Variants in PHF14 observed in about 807,000 individuals in gnomAD.
The protein encoded by PHF14 is PHD finger protein 14.
A neutral mutation model predicts 117.9 loss-of-function variants in PHF14; 55 were observed. That is an observed-to-expected ratio of 0.47 (90% CI 0.38 to 0.58). The LOEUF is 0.58. PHF14 is among the 20% of genes least tolerant of loss of function. The pLI is 0.00. For synonymous variants in PHF14, 409 were observed against 368.6 expected (o/e 1.11, Z -1.26); for missense variants, 978 against 1,122.2 (o/e 0.87, Z 1.84).
chr7:11,095,474 T>C (rs994080113), intron 16 of PHF14, among the ~76,000 whole-genome samples: 3 of 152,190 alleles, frequency 2.0e-5, no homozygotes, highest in Non-Finnish European at 2.9e-5. Flanking sequence ...CTGTGAACTT[T>C]TTGCTGAACT....
chr7:11,119,860 A>G (rs906557044), intron 17 of PHF14, among the ~76,000 whole-genome samples: 12 of 151,938 alleles, frequency 7.9e-5, no homozygotes, highest in African/African-American at 2.9e-4. Context: ...TTGAAATCAA[A>G]TATAGTTGAG....
Position 10,982,711 on chromosome 7 carries a change from C to T in PHF14, c.452C>T (p.Thr151Ile). ...SENVAASAAA[T>I]TPATSPPAVN... The stretch of plus-strand genomic sequence containing the variant: ...AATGTGGCTGCTTCTGCTGCTGCCA[C>T]CACACCAGCCACAAGTCCTCCTGCT... Residue 151 changes from threonine to isoleucine, a missense_variant, in exon 3 of 18, where the codon ACC becomes ATC. Thr to Ile is a moderately conservative substitution (Grantham distance 89). Around this residue, in one of 7 missense-constraint regions of PHF14, gnomAD observed 414 missense variants for 376.4 expected, o/e 1.10. Transcript: ENST00000634607. 3.7e-6 allele frequency: 6 copies of T among 1,611,550 alleles called. No homozygotes were observed. Among genetic ancestry groups the T allele is most frequent in the Non-Finnish European group, 5.1e-6 (6 of 1,178,710 alleles).
intron 17 of PHF14, among the ~76,000 whole-genome samples, chr7:11,129,508 A>T (rs1015276432): frequency 6.6e-6 from 1 of 151,688 alleles, no homozygotes; most frequent in African/African-American, 2.4e-5. Flanking sequence ...AAGGGTATAA[A>T]ACTAATCCAA....
chr7:10,994,392 T>A (rs1184532824), intron 4 of PHF14, among the ~76,000 whole-genome samples: 1 of 152,076 alleles, frequency 6.6e-6, no homozygotes, highest in African/African-American at 2.4e-5. Context: ...TGAGCTGAGG[T>A]CGAGCCACTG....
chr7:11,136,808 A>G (rs570823714), intron 17 of PHF14, among the ~76,000 whole-genome samples: 1 of 152,352 alleles, frequency 6.6e-6, no homozygotes, highest in East Asian at 1.9e-4. Context: ...TTAGTTAGAC[A>G]TTAAGACCAA....
At chr7:11,163,331 G>T (rs1046033545) in intron 17 of PHF14, among the ~76,000 whole-genome samples, 6 of 152,104 alleles carry the variant, frequency 3.9e-5, no homozygotes, top group African/African-American at 1.4e-4. Flanking sequence ...AGCATTTCTT[G>T]TAAGTTCATT....
intron 16 of PHF14, among the ~76,000 whole-genome samples, chr7:11,075,874 G>A (rs1785829853): frequency 6.6e-6 from 1 of 152,164 alleles, no homozygotes; most frequent in Non-Finnish European, 1.5e-5. Context: ...ACTCATGCCT[G>A]TAATCCCAGC....
chr7:11,036,958 G>T (rs1283624850), intron 9 of PHF14, 27 bp from the exon 10 acceptor site: 1 of 1,425,424 alleles, frequency 7.0e-7, no homozygotes, highest in Admixed American at 2.3e-5. Context: ...TCCTACTAAA[G>T]TAAAATTCGA....
At chr7:11,087,060 A>G (rs1786438712) in intron 16 of PHF14, among the ~76,000 whole-genome samples, 1 of 152,226 alleles carries the variant, frequency 6.6e-6, no homozygotes, top group Admixed American at 6.5e-5. Flanking sequence ...CATAAAATAA[A>G]TAAGGGTATA....
At chr7:11,073,426 G>A (rs557129739) in intron 16 of PHF14, among the ~76,000 whole-genome samples, 12 of 152,310 alleles carry the variant, frequency 7.9e-5, no homozygotes, top group Non-Finnish European at 1.5e-4. Context: ...AATGTCCTTC[G>A]ATGCCATATC....
Position 11,089,536 on chromosome 7 carries a change from A to G in PHF14, c.2655-21814A>G, listed in dbSNP as rs1055331021. 9.2e-5 allele frequency among the ~76,000 whole-genome samples: 14 copies of G among 152,100 alleles called. 1 individual carries two copies. Among genetic ancestry groups the G allele is most frequent in the Admixed American group, 7.9e-4 (12 of 15,262 alleles). On this transcript the variant is annotated intron_variant, in intron 16 of 17. Coordinates refer to ENST00000634607, the MANE Select transcript of PHF14 (RefSeq NM_001007157.2). Reference sequence around the variant, plus strand: ...TGAGACTCCATTCTCCACAAAAAGGAAAAAAAGGACAAAAAAGGTGTAATA... The same window carrying G: ...TGAGACTCCATTCTCCACAAAAAGGGAAAAAAGGACAAAAAAGGTGTAATA...
At chr7:11,058,710 T>C (rs1785103884) in intron 14 of PHF14, among the ~76,000 whole-genome samples, 1 of 152,210 alleles carries the variant, frequency 6.6e-6, no homozygotes, top group South Asian at 2.1e-4. Flanking sequence ...TTTAAGTATT[T>C]ACGTGCAATA....
intron 5 of PHF14, among the ~76,000 whole-genome samples, chr7:11,017,079 T>C (rs1415763592): frequency 6.6e-6 from 1 of 152,208 alleles, no homozygotes; most frequent in Admixed American, 6.5e-5. Context: ...AATGACTGGC[T>C]CTCATTCTTT....
At chr7:10,992,042 GCTTC>G (rs1782474390) in intron 4 of PHF14, among the ~76,000 whole-genome samples, 1 of 151,326 alleles carries the variant, frequency 6.6e-6, no homozygotes, top group Non-Finnish European at 1.5e-5. Context: ...ATTTTTTGTA[GCTTC>G]TTCTTTCATA....
At chr7:11,075,564 GTT>G (rs3073111) in intron 16 of PHF14, among the ~76,000 whole-genome samples, 1,810 of 110,004 alleles carry the variant, frequency 0.016, 22 homozygotes, top group Middle Eastern at 0.072. Flanking sequence ...AAGGAAAGAG[GTT>G]TTTTTTTTTT....
intron 4 of PHF14, among the ~76,000 whole-genome samples, chr7:10,999,334 A>ATCTTATCT: frequency 6.6e-6 from 1 of 152,270 alleles, no homozygotes; most frequent in African/African-American, 2.4e-5. Context: ...TTGAATATAT[A>ATCTTATCT]GTTCCTTATC....
At chr7:11,169,358 A>G (rs966816534) in intron 17 of PHF14, 58 bp from the exon 18 acceptor site, 1 of 764,998 alleles carries the variant, frequency 1.3e-6, no homozygotes. Flanking sequence ...TCTGTCAAGT[A>G]TAGCTGATAA....
chr7:11,018,676 T>C (rs1783615981), intron 5 of PHF14, among the ~76,000 whole-genome samples: 1 of 152,222 alleles, frequency 6.6e-6, no homozygotes, highest in Non-Finnish European at 1.5e-5. Context: ...CAACATTATA[T>C]TACCTGCTAA....
chr7:11,098,479 T>A (rs545579099), intron 16 of PHF14, among the ~76,000 whole-genome samples: 3 of 152,276 alleles, frequency 2.0e-5, no homozygotes, highest in African/African-American at 4.8e-5. Context: ...CTCATTTTTA[T>A]TGCTAGTGTA....
Sources: gnomAD v4.1 joint callset for allele counts (sites outside exome capture counted in the v4.1 genomes callset) on GRCh38, gnomAD v4.1.1 for gene constraint, gnomAD v4.1.1 regional missense constraint, MANE v1.5 for transcripts, NCBI Gene and HGNC (gene_info 2026-07-23, HGNC 2026-07-21) for gene names.